Variants in CNTNAP2 observed in about 807,000 individuals in gnomAD.
CNTNAP2 encodes the protein contactin associated protein 2, also known as contactin-associated protein-like 2.
CNTNAP2 carries 98 observed loss-of-function variants against 155.2 expected under a neutral mutation model. That is an observed-to-expected ratio of 0.63 (90% confidence interval 0.54 to 0.75). The LOEUF (loss-of-function observed/expected upper bound fraction) is 0.75. CNTNAP2 is among the 30% of genes least tolerant of loss of function. The pLI is 0.00. For missense variants in CNTNAP2, 1,727 were observed against 1,688.1 expected, an observed-to-expected ratio of 1.02 and a Z score of -0.40; for synonymous variants, 651 against 631.2, an observed-to-expected ratio of 1.03 and a Z score of -0.47.
intron 8 of CNTNAP2, chr7:147,167,488 T>C: frequency 1.1e-6 from 1 of 950,144 alleles, no homozygotes; most frequent in Non-Finnish European, 1.6e-6. Flanking sequence ...CCACTGGAGG[T>C]TGCCATGGAC....
intron 14 of CNTNAP2, among the ~76,000 whole-genome samples, chr7:147,931,511 A>G (rs528760706): frequency 6.6e-6 from 1 of 152,332 alleles, no homozygotes; most frequent in Non-Finnish European, 1.5e-5. Context: ...ACAGGCCAAT[A>G]TCCCTGCTGA....
intron 1 of CNTNAP2, among the ~76,000 whole-genome samples, chr7:146,120,710 T>C (rs1227321854): frequency 6.6e-6 from 1 of 152,186 alleles, no homozygotes; most frequent in East Asian, 1.9e-4. Context: ...TTGTATATTA[T>C]ATTTTTACTG....
intron 8 of CNTNAP2, among the ~76,000 whole-genome samples, chr7:147,244,022 G>T (rs1804000052): frequency 6.6e-6 from 1 of 152,064 alleles, no homozygotes. Context: ...TTTCTCACTC[G>T]TTTCTGCCTG....
chr7:147,632,880 T>C (rs764630368), intron 12 of CNTNAP2, among the ~76,000 whole-genome samples: 44 of 152,176 alleles, frequency 2.9e-4, no homozygotes, highest in Non-Finnish European at 7.3e-5. Context: ...GAGGAACTTA[T>C]TGGGAACTGG....
chr7:147,457,526 CTG>C (rs1797937691), intron 10 of CNTNAP2, among the ~76,000 whole-genome samples: 1 of 150,568 alleles, frequency 6.6e-6, no homozygotes, highest in Non-Finnish European at 1.5e-5. Flanking sequence ...AATTTATCTC[CTG>C]TCGTGAGACT....
At chr7:146,424,277 G>A (rs1264909280) in intron 1 of CNTNAP2, among the ~76,000 whole-genome samples, 2 of 152,098 alleles carry the variant, frequency 1.3e-5, no homozygotes, top group Non-Finnish European at 2.9e-5. Flanking sequence ...CACAGGATTC[G>A]GCACATAGCC....
intron 21 of CNTNAP2, among the ~76,000 whole-genome samples, chr7:148,355,088 C>G (rs1273685415): frequency 6.8e-6 from 1 of 147,404 alleles, no homozygotes; most frequent in African/African-American, 2.5e-5. Flanking sequence ...TATTATTATC[C>G]TTAGGGTTAA....
At chr7:146,901,938 C>A (rs1310027767) in intron 3 of CNTNAP2, among the ~76,000 whole-genome samples, 3 of 132,704 alleles carry the variant, frequency 2.3e-5, no homozygotes, top group African/African-American at 8.6e-5. Flanking sequence ...TGCAGTGGTG[C>A]GATCTCGGCT....
chr7:146,138,354 T>G (rs540503193), intron 1 of CNTNAP2, among the ~76,000 whole-genome samples: 1 of 152,282 alleles, frequency 6.6e-6, no homozygotes, highest in East Asian at 1.9e-4. Context: ...TCTCAAGATT[T>G]TTTTAATTAC....
chr7:146,976,426 C>T (rs1299530723), intron 3 of CNTNAP2, among the ~76,000 whole-genome samples: 1 of 152,148 alleles, frequency 6.6e-6, no homozygotes, highest in African/African-American at 2.4e-5. Flanking sequence ...TTTACCTGTG[C>T]TTCTGACTGA....
At chr7:147,977,734 T>C in intron 14 of CNTNAP2, 128 bp from the exon 15 acceptor site, 6 of 1,300,508 alleles carry the variant, frequency 4.6e-6, no homozygotes, top group Non-Finnish European at 6.5e-6. Flanking sequence ...TCTTTAACTG[T>C]GGCTTTACTT....
intron 15 of CNTNAP2, among the ~76,000 whole-genome samples, chr7:147,998,108 T>TC (rs1272296618): frequency 8.7e-6 from 1 of 114,730 alleles, no homozygotes; most frequent in Non-Finnish European, 1.7e-5. Context: ...TTTTTCTTTT[T>TC]TTTTTTTTTT....
At chr7:146,461,081 T>C (rs1796629421) in intron 1 of CNTNAP2, among the ~76,000 whole-genome samples, 1 of 152,062 alleles carries the variant, frequency 6.6e-6, no homozygotes, top group Admixed American at 6.6e-5. Context: ...CTGTACACCA[T>C]AAAAATATGT....
intron 4 of CNTNAP2, among the ~76,000 whole-genome samples, chr7:147,084,545 T>G (rs1254411215): frequency 6.9e-6 from 1 of 145,024 alleles, no homozygotes. Context: ...ATATAATATA[T>G]AATAATATAA....
chr7:146,801,365 G>A (rs957874668), intron 2 of CNTNAP2, among the ~76,000 whole-genome samples: 2 of 152,102 alleles, frequency 1.3e-5, no homozygotes, highest in African/African-American at 4.8e-5. Flanking sequence ...ATTTCCAGAT[G>A]AGATTTGCAG....
chr7:146,415,835 T>C (rs1000146876), intron 1 of CNTNAP2, among the ~76,000 whole-genome samples: 3 of 152,272 alleles, frequency 2.0e-5, no homozygotes, highest in Admixed American at 1.3e-4. Flanking sequence ...TCTACAACTA[T>C]AAAATCAAAT....
At chr7:147,956,310 A>T (rs1257975025) in intron 14 of CNTNAP2, among the ~76,000 whole-genome samples, 1 of 152,194 alleles carries the variant, frequency 6.6e-6, no homozygotes, top group Non-Finnish European at 1.5e-5. Context: ...CAAAAAAAAA[A>T]AAAAGCTATC....
intron 1 of CNTNAP2, among the ~76,000 whole-genome samples, chr7:146,365,914 T>C (rs1056327451): frequency 5.9e-5 from 9 of 152,200 alleles, no homozygotes; most frequent in African/African-American, 2.2e-4. Flanking sequence ...CTATTCCTAA[T>C]TGCAGTCACA....
intron 13 of CNTNAP2, among the ~76,000 whole-genome samples, chr7:147,745,739 G>A (rs1224370254): frequency 6.6e-6 from 1 of 152,168 alleles, no homozygotes; most frequent in African/African-American, 2.4e-5. Context: ...ACTAAAACTT[G>A]TCTGCATAGA....
Sources: allele counts gnomAD v4.1 joint callset (sites outside exome capture counted in the v4.1 genomes callset), GRCh38; gene constraint gnomAD v4.1.1; transcripts MANE v1.5; gene names NCBI Gene and HGNC (gene_info 2026-07-23, HGNC 2026-07-21).